The following FKBP1B variants were observed in gnomAD, a reference collection of about 807,000 sequenced individuals.
FKBP1B encodes FKBP prolyl isomerase 1B, also known as peptidyl-prolyl cis-trans isomerase FKBP1B.
In FKBP1B, 4 loss-of-function variants were observed where a neutral mutation model predicts 13.5. The observed-to-expected ratio is 0.30, with a 90% CI of 0.15 to 0.68. FKBP1B has a LOEUF of 0.68. Among genes scored for constraint, FKBP1B ranks in the 30% least tolerant of loss-of-function variants. FKBP1B has a pLI of 0.76. For missense variants in FKBP1B, 93 were observed against 136.2 expected (o/e 0.68, Z 1.58); for synonymous variants, 54 against 53.6 (o/e 1.01, Z -0.03).
At chr2:24,033,616 T>C in the FKBP1B span, among the ~76,000 whole-genome samples, 2 of 151,188 alleles carry the variant, frequency 1.3e-5, no homozygotes, top group South Asian at 2.1e-4. Flanking sequence ...TGGTACACAC[T>C]TGTAGTCCCA....
chr2:24,057,160 C>A (rs1468022191), intron 2 of FKBP1B, among the ~76,000 whole-genome samples: 1 of 151,434 alleles, frequency 6.6e-6, no homozygotes, highest in Admixed American at 6.6e-5. Context: ...ATATTTTCTT[C>A]TTTTCTTTCT....
At chr2:24,042,633 C>T in the FKBP1B span, among the ~76,000 whole-genome samples, 19 of 150,764 alleles carry the variant, frequency 1.3e-4, no homozygotes, top group Admixed American at 4.6e-4. Flanking sequence ...CGCTTGAACC[C>T]GGGAGGTGGA....
chr2:24,054,839 G>A (rs72781699), intron 2 of FKBP1B, among the ~76,000 whole-genome samples: 24,412 of 152,076 alleles, frequency 0.16, 2,141 homozygotes, highest in South Asian at 0.21. Flanking sequence ...TAACAATTTT[G>A]CATGTTGTAG....
the FKBP1B span, chr2:24,038,584 C>G: frequency 6.2e-7 from 1 of 1,613,636 alleles, no homozygotes; most frequent in Non-Finnish European, 8.5e-7. Context: ...GTCCTTTTTT[C>G]TTAGACAAAT....
chr2:24,038,493 G>A, the FKBP1B span: 3 of 1,614,216 alleles, frequency 1.9e-6, no homozygotes, highest in Admixed American at 3.3e-5. Context: ...CTGGAATAGT[G>A]ACTTTTCTCG....
chr2:24,038,089 G>A, the FKBP1B span: 2 of 1,614,134 alleles, frequency 1.2e-6, no homozygotes, highest in Non-Finnish European at 1.7e-6. Flanking sequence ...ACAAAAATCT[G>A]GGGAAAGACT....
chr2:24,051,500 T>G (rs186557615), intron 1 of FKBP1B, among the ~76,000 whole-genome samples: 42 of 152,316 alleles, frequency 2.8e-4, no homozygotes, highest in African/African-American at 1.0e-3. Flanking sequence ...AGCCCACCAC[T>G]AACTTTTTCC....
intron 2 of FKBP1B, among the ~76,000 whole-genome samples, chr2:24,060,466 C>T (rs548225146): frequency 4.6e-5 from 7 of 152,208 alleles, no homozygotes; most frequent in Non-Finnish European, 1.0e-4. Context: ...GCAGAAGAAT[C>T]GATTGAACCC....
chr2:24,049,621 C>T, upstream of FKBP1B: 1 of 370,562 alleles, frequency 2.7e-6, no homozygotes, highest in Non-Finnish European at 4.8e-6. Context: ...GGGCGGGGTC[C>T]CTTCCCCCGG....
the FKBP1B span, chr2:24,038,695 G>A: frequency 6.2e-7 from 1 of 1,614,182 alleles, no homozygotes; most frequent in Non-Finnish European, 8.5e-7. Context: ...ATTTGTTTCA[G>A]AATCAGTTGC....
the FKBP1B span, among the ~76,000 whole-genome samples, chr2:24,041,746 G>A: frequency 4.0e-5 from 6 of 151,236 alleles, no homozygotes; most frequent in East Asian, 3.9e-4. Flanking sequence ...CCAGCTACTC[G>A]GGAGGCTGAG....
chr2:24,041,775 C>G, the FKBP1B span, among the ~76,000 whole-genome samples: 1 of 148,690 alleles, frequency 6.7e-6, no homozygotes, highest in Non-Finnish European at 1.5e-5. Context: ...ATTGCTTGAA[C>G]CTGGGAGGGG....
At chr2:24,039,538 C>T in the FKBP1B span, 4 of 1,584,660 alleles carry the variant, frequency 2.5e-6, no homozygotes, top group East Asian at 4.5e-5. Flanking sequence ...AGGAAAGTTA[C>T]ACCATGAGAA....
the FKBP1B span, among the ~76,000 whole-genome samples, chr2:24,044,652 C>T: frequency 6.6e-6 from 1 of 152,004 alleles, no homozygotes; most frequent in Non-Finnish European, 1.5e-5. Context: ...CTCAAAAACG[C>T]AGTGATAATT....
intron 2 of FKBP1B, among the ~76,000 whole-genome samples, chr2:24,058,909 C>T (rs909421792): frequency 1.3e-5 from 2 of 152,184 alleles, no homozygotes; most frequent in African/African-American, 4.8e-5. Context: ...GTACCCAGGG[C>T]AAAAGCTTAA....
the FKBP1B span, chr2:24,038,416 G>C: frequency 6.2e-7 from 1 of 1,614,044 alleles, no homozygotes; most frequent in Non-Finnish European, 8.5e-7. Context: ...TATATTACAA[G>C]TGTTGGAAGC....
At position 24,063,180 on chromosome 2, in the gene FKBP1B, C is replaced by A; in HGVS notation, c.315C>A (p.Leu105=). 1 of 1,599,100 alleles carries A rather than the reference C, an allele frequency of 6.3e-7. No homozygotes were observed. Among genetic ancestry groups the A allele is most frequent in the Non-Finnish European group, 8.5e-7 (1 of 1,172,466 alleles). Residue 105 remains leucine, a synonymous_variant, in exon 4 of 4, where the codon CTC becomes CTA. Coordinates refer to ENST00000380986, the MANE Select transcript of FKBP1B (RefSeq NM_004116.5). ...CCCTCATCTTTGACGTGGAGCTGCT[C>A]AACTTAGAGTGAAGGCAGGAAGGAA... ...NATLIFDVEL[L]NLE
intron 2 of FKBP1B, among the ~76,000 whole-genome samples, chr2:24,055,525 C>A (rs1409818008): frequency 6.6e-6 from 1 of 152,096 alleles, no homozygotes; most frequent in Non-Finnish European, 1.5e-5. Flanking sequence ...ATTACTCTGA[C>A]TTTTGTCTCC....
chr2:24,037,922 G>A, the FKBP1B span: 2 of 1,614,138 alleles, frequency 1.2e-6, no homozygotes, highest in East Asian at 2.2e-5. Context: ...CTGTGTCTGG[G>A]CAGCGATGCT....
Sources: gnomAD v4.1 joint callset for allele counts (sites outside exome capture counted in the v4.1 genomes callset) on GRCh38, gnomAD v4.1.1 for gene constraint, MANE v1.5 for transcripts, NCBI Gene and HGNC (gene_info 2026-07-23, HGNC 2026-07-21) for gene names.